FAT3: variants seen among roughly 807,000 people sequenced by gnomAD.
FAT3 encodes protocadherin Fat 3.
Under a neutral mutation model 310.2 loss-of-function variants are expected in FAT3, and 95 were observed. The observed-to-expected ratio is 0.31, with a 90% CI of 0.26 to 0.36. The LOEUF (loss-of-function observed/expected upper bound fraction) is 0.36, where lower values mean the gene tolerates loss of function less well. Ranked by LOEUF, FAT3 falls within the 10% of genes least tolerant of loss-of-function variation. FAT3 has a pLI of 1.00. For synonymous variants in FAT3, 2,314 were observed against 2,192.9 expected, an observed-to-expected ratio of 1.06 and a Z score of -1.54; for missense variants, 5,408 against 5,715.6, an observed-to-expected ratio of 0.95 and a Z score of 1.74.
intron 3 of FAT3, among the ~76,000 whole-genome samples, chr11:92,601,115 GT>G (rs1014414078): frequency 4.1e-4 from 59 of 145,358 alleles, no homozygotes; most frequent in Middle Eastern, 3.6e-3. Context: ...CCAGAAGAAG[GT>G]TTTTTTTTTT....
In FAT3 at chr11:92,486,707, A is replaced by C. The variant is rs561586581; in HGVS notation, c.3293-37927A>C. On this transcript the variant is annotated intron_variant, in intron 2 of 27. Transcript: ENST00000525166. Reference sequence around the variant, plus strand: ...ATTGTATCTTCCACTCTATTCTCTAAGTCTTTGTCTGGCTTTGCATGGCTA... The same window carrying C: ...ATTGTATCTTCCACTCTATTCTCTACGTCTTTGTCTGGCTTTGCATGGCTA... Among the ~76,000 whole-genome samples the C allele has an allele frequency of 2.6e-4, 39 of 152,238 alleles. 1 individual carries two copies. In the South Asian group the frequency reaches 7.7e-3, roughly 30 times the overall value.
At chr11:92,456,363 A>G (rs1386110978) in intron 2 of FAT3, among the ~76,000 whole-genome samples, 2 of 152,194 alleles carry the variant, frequency 1.3e-5, no homozygotes, top group Non-Finnish European at 2.9e-5. Context: ...TAAGTGACCT[A>G]TGATTCATTG....
chr11:92,633,024 A>G (rs1941614136), intron 3 of FAT3, among the ~76,000 whole-genome samples: 1 of 152,144 alleles, frequency 6.6e-6, no homozygotes, highest in Admixed American at 6.5e-5. Flanking sequence ...ATTAACTACA[A>G]TCATGGTGTT....
At position 92,477,031 on chromosome 11, in the gene FAT3, T is replaced by C. The variant is rs74567258; in HGVS notation, c.3293-47603T>C. Among the ~76,000 whole-genome samples, 452 of 152,350 alleles carry C rather than the reference T, an allele frequency of 3.0e-3. 7 individuals are homozygous for C. Among genetic ancestry groups the C allele is most frequent in the African/African-American group, 0.01 (423 of 41,588 alleles). Reference sequence around the variant, plus strand: ...CATAAATAGTGTCTTTTAATTGTGTTGGAAATTCCTCCATATGCTACCTTT... The same window carrying C: ...CATAAATAGTGTCTTTTAATTGTGTCGGAAATTCCTCCATATGCTACCTTT... On this transcript the variant is annotated intron_variant, in intron 2 of 27. Transcript: ENST00000525166.
chr11:92,687,704 G>T (rs1943672667), intron 3 of FAT3, among the ~76,000 whole-genome samples: 1 of 152,082 alleles, frequency 6.6e-6, no homozygotes, highest in South Asian at 2.1e-4. Flanking sequence ...GGAAGAGAAA[G>T]CATCTGTATG....
intron 1 of FAT3, among the ~76,000 whole-genome samples, chr11:92,322,012 C>G (rs1345048236): frequency 6.6e-6 from 1 of 152,060 alleles, no homozygotes; most frequent in Non-Finnish European, 1.5e-5. Context: ...GTATAGTCAT[C>G]ATTGAAAACC....
rs566713222 is a variant in FAT3 at position 92,761,985 on chromosome 11, G to C, written c.3799G>C (p.Asp1267His). The C allele has an allele frequency of 6.2e-7, 1 of 1,613,960 alleles. No individual in the cohort carries two copies. Among genetic ancestry groups the C allele is most frequent in the South Asian group, 1.1e-5 (1 of 91,066 alleles). ...CTACCAGATCAAGCTGCCAGAACGT[G>C]ACCGAAAGAAGAGAGGAGAACCGAT... ...KVYQIKLPER[D>H]RKKRGEPIYR... The change falls in exon 5 of 28, where the codon GAC becomes CAC. Residue 1267 changes from aspartate (D) to histidine (H), a missense_variant. Around this residue, in one of 5 missense-constraint regions of FAT3, gnomAD observed 4,588 missense variants for 4,809.8 expected, o/e 0.95. Transcript: ENST00000525166.
At chr11:92,465,518 C>G (rs1202293177) in intron 2 of FAT3, among the ~76,000 whole-genome samples, 1 of 152,146 alleles carries the variant, frequency 6.6e-6, no homozygotes, top group Non-Finnish European at 1.5e-5. Context: ...GAGATGGTAT[C>G]TCATTGTGGT....
intron 3 of FAT3, among the ~76,000 whole-genome samples, chr11:92,645,926 G>A (rs534415375): frequency 1.3e-5 from 2 of 152,278 alleles, no homozygotes; most frequent in Non-Finnish European, 2.9e-5. Context: ...GGTAAATGAA[G>A]TAAAATACAT....
intron 3 of FAT3, among the ~76,000 whole-genome samples, chr11:92,551,610 A>G (rs551966479): frequency 1.3e-5 from 2 of 152,186 alleles, no homozygotes; most frequent in South Asian, 4.1e-4. Flanking sequence ...TATTATCTTA[A>G]AACATTCAAA....
intron 2 of FAT3, among the ~76,000 whole-genome samples, chr11:92,510,342 G>A (rs1473812268): frequency 6.6e-6 from 1 of 152,016 alleles, no homozygotes; most frequent in East Asian, 1.9e-4. Context: ...CTATACCATT[G>A]TGCTGTGTAT....
intron 1 of FAT3, among the ~76,000 whole-genome samples, chr11:92,328,174 C>T (rs987930227): frequency 5.3e-5 from 8 of 152,172 alleles, no homozygotes; most frequent in African/African-American, 1.4e-4. Flanking sequence ...ACCTTACCCA[C>T]TCTTGCCCTC....
At chr11:92,388,998 C>T (rs1949688838) in intron 2 of FAT3, among the ~76,000 whole-genome samples, 1 of 152,152 alleles carries the variant, frequency 6.6e-6, no homozygotes. Flanking sequence ...TTCCTATACT[C>T]TCCTGGAACA....
At chr11:92,650,189 A>G (rs1942325773) in intron 3 of FAT3, among the ~76,000 whole-genome samples, 2 of 151,942 alleles carry the variant, frequency 1.3e-5, no homozygotes, top group South Asian at 2.1e-4. Flanking sequence ...TCCTTCCAGG[A>G]ACCAGAGAGG....
rs975427722 is a variant in FAT3, at chr11:92,407,726, A to C, written c.3292+52322A>C. On this transcript the variant is annotated intron_variant, in intron 2 of 27. Transcript: ENST00000525166. ...CATAAATGGATTTTTCTTGATGTTC[A>C]TCTGACACGTATTAATTCCAGTTGT... 2.0e-5 allele frequency among the ~76,000 whole-genome samples: 3 copies of C among 152,222 alleles called. 1 individual carries two copies. Among genetic ancestry groups the C allele is most frequent in the South Asian group, 4.1e-4 (2 of 4,838 alleles).
At chr11:92,588,047 CT>C (rs1939239983) in intron 3 of FAT3, among the ~76,000 whole-genome samples, 1 of 151,914 alleles carries the variant, frequency 6.6e-6, no homozygotes, top group South Asian at 2.1e-4. Context: ...ACTTTCAGGT[CT>C]TTAGGTAGTC....
chr11:92,375,922 A>G (rs1310033929), intron 2 of FAT3, among the ~76,000 whole-genome samples: 1 of 152,196 alleles, frequency 6.6e-6, no homozygotes, highest in African/African-American at 2.4e-5. Flanking sequence ...GCTTTTACTC[A>G]CAGAACTCTT....
chr11:92,574,148 G>T (rs1315119784), intron 3 of FAT3, among the ~76,000 whole-genome samples: 2 of 152,172 alleles, frequency 1.3e-5, no homozygotes, highest in Admixed American at 6.6e-5. Context: ...GATGAAGCTG[G>T]TTGTCACAGT....
chr11:92,466,706 G>A (rs373831232), intron 2 of FAT3, among the ~76,000 whole-genome samples: 134 of 149,276 alleles, frequency 9.0e-4, no homozygotes, highest in South Asian at 3.5e-3. Context: ...AGCATTAGGT[G>A]TATCTCCTAA....
Sources: allele counts gnomAD v4.1 joint callset (sites outside exome capture counted in the v4.1 genomes callset), GRCh38; gene constraint gnomAD v4.1.1; regional missense constraint gnomAD v4.1.1; transcripts MANE v1.5; gene names NCBI Gene and HGNC (gene_info 2026-07-23, HGNC 2026-07-21).